Variants in PHACTR3 observed in about 807,000 individuals in gnomAD.
PHACTR3 encodes the protein protein phosphatase 1, regulatory subunit 123.
In PHACTR3, 16 loss-of-function variants were observed where a neutral mutation model predicts 66.8. The observed-to-expected ratio is 0.24, with a 90% CI of 0.16 to 0.36. PHACTR3 has a LOEUF of 0.36. PHACTR3 is among the 10% of genes least tolerant of loss of function. The pLI, the probability that PHACTR3 is intolerant of heterozygous loss-of-function variation, is 1.00. For synonymous variants in PHACTR3, 323 were observed against 292.1 expected (o/e 1.11, Z -1.08); for missense variants, 647 against 719.9 (o/e 0.90, Z 1.16).
chr20:59,684,452 T>C (rs946189884), intron 1 of PHACTR3, among the ~76,000 whole-genome samples: 2 of 152,154 alleles, frequency 1.3e-5, no homozygotes, highest in Admixed American at 6.5e-5. Context: ...CAGAACCTTC[T>C]CTTTGTGGCT....
chr20:59,692,205 G>A (rs950512030), intron 1 of PHACTR3, among the ~76,000 whole-genome samples: 1 of 152,208 alleles, frequency 6.6e-6, no homozygotes, highest in Non-Finnish European at 1.5e-5. Context: ...TGATAAGGAA[G>A]TGAGTGGTGT....
intron 1 of PHACTR3, among the ~76,000 whole-genome samples, chr20:59,627,319 C>T (rs1286089471): frequency 6.6e-6 from 1 of 152,214 alleles, no homozygotes; most frequent in African/African-American, 2.4e-5. Flanking sequence ...AAATAAGCTA[C>T]CTTCACCTAA....
intron 1 of PHACTR3, among the ~76,000 whole-genome samples, chr20:59,739,997 G>A (rs2039092348): frequency 6.6e-6 from 1 of 152,088 alleles, no homozygotes; most frequent in African/African-American, 2.4e-5. Flanking sequence ...TCTGTAAAAT[G>A]GATATAAAAT....
intron 8 of PHACTR3, 147 bp from the exon 9 acceptor site, chr20:59,836,358 C>A (rs1240389834): frequency 9.4e-6 from 6 of 639,638 alleles, no homozygotes; most frequent in East Asian, 3.2e-5. Context: ...CAGCAAGAGG[C>A]AACAACCAAA....
intron 8 of PHACTR3, among the ~76,000 whole-genome samples, chr20:59,822,801 G>A (rs1398502951): frequency 1.3e-5 from 2 of 152,232 alleles, no homozygotes. Flanking sequence ...GGGGATGGGA[G>A]TCACAGGATG....
At position 59,592,810 on chromosome 20, in the gene PHACTR3, A is replaced by C. The variant is rs56027254; in HGVS notation, c.109+15193A>C. Among the ~76,000 whole-genome samples, 859 of 151,556 alleles carry C rather than the reference A, an allele frequency of 5.7e-3. 8 individuals carry two copies. The highest frequency in any genetic ancestry group is 0.02 in the African/African-American group (807 of 41,270). On this transcript the variant is annotated intron_variant, in intron 1 of 12. Coordinates refer to the PHACTR3 transcript ENST00000359926. Reference sequence around the variant, plus strand: ...ATATGCATTTACATTTCCTCCATATAATTTCTTGGCTTTATAGTTCATTTT... The same window carrying C: ...ATATGCATTTACATTTCCTCCATATCATTTCTTGGCTTTATAGTTCATTTT...
chr20:59,674,022 G>A (rs914990076), intron 1 of PHACTR3, among the ~76,000 whole-genome samples: 2 of 152,112 alleles, frequency 1.3e-5, no homozygotes, highest in Non-Finnish European at 2.9e-5. Flanking sequence ...GCCTGCCCGA[G>A]GAGTCGAGCT....
intron 3 of PHACTR3, among the ~76,000 whole-genome samples, chr20:59,753,152 TAAAAA>T (rs60619458): frequency 6.9e-6 from 1 of 145,958 alleles, no homozygotes; most frequent in Admixed American, 6.8e-5. Context: ...TCATAAAAAT[TAAAAA>T]AAAAAAATCA....
At chr20:59,749,908 C>T (rs1415501834) in intron 3 of PHACTR3, among the ~76,000 whole-genome samples, 1 of 152,028 alleles carries the variant, frequency 6.6e-6, no homozygotes, top group Non-Finnish European at 1.5e-5. Context: ...GTGGTTTGCT[C>T]ATCTCTACCT....
intron 1 of PHACTR3, among the ~76,000 whole-genome samples, chr20:59,682,207 G>A (rs1291171973): frequency 6.6e-6 from 1 of 152,050 alleles, no homozygotes; most frequent in Non-Finnish European, 1.5e-5. Flanking sequence ...GGGTGTGGTG[G>A]CGTGCACCTG....
At chr20:59,696,822 G>A (rs995507383) in intron 1 of PHACTR3, among the ~76,000 whole-genome samples, 1 of 152,164 alleles carries the variant, frequency 6.6e-6, no homozygotes, top group Non-Finnish European at 1.5e-5. Context: ...AGACCTTGAA[G>A]GCTGATGCAT....
chr20:59,722,827 TG>T (rs1278636958), intron 1 of PHACTR3, among the ~76,000 whole-genome samples: 2 of 150,200 alleles, frequency 1.3e-5, no homozygotes, highest in Non-Finnish European at 1.5e-5. Context: ...CTGCTCACGG[TG>T]GGGGCATGGG....
chr20:59,727,102 C>T (rs1251554147), intron 1 of PHACTR3, among the ~76,000 whole-genome samples: 1 of 152,114 alleles, frequency 6.6e-6, no homozygotes, highest in Non-Finnish European at 1.5e-5. Context: ...TCCTCCAAGC[C>T]CCTGATAACT....
At chr20:59,703,916 C>T (rs1247123064) in intron 1 of PHACTR3, among the ~76,000 whole-genome samples, 1 of 152,168 alleles carries the variant, frequency 6.6e-6, no homozygotes, top group Non-Finnish European at 1.5e-5. Flanking sequence ...AGCAATTTCT[C>T]ATTTTTAAAT....
At chr20:59,668,777 C>T (rs1320292486) in intron 1 of PHACTR3, among the ~76,000 whole-genome samples, 1 of 152,184 alleles carries the variant, frequency 6.6e-6, no homozygotes, top group African/African-American at 2.4e-5. Context: ...TCTCGGCTCA[C>T]TGCAACTCCG....
chr20:59,667,549 C>T (rs114562717), intron 1 of PHACTR3, among the ~76,000 whole-genome samples: 189 of 152,346 alleles, frequency 1.2e-3, no homozygotes, highest in African/African-American at 4.3e-3. Context: ...GGGACACCCT[C>T]GCCATGTAAA....
intron 1 of PHACTR3, among the ~76,000 whole-genome samples, chr20:59,614,042 C>T (rs1271674278): frequency 5.9e-5 from 9 of 152,130 alleles, no homozygotes; most frequent in Non-Finnish European, 5.9e-5. Context: ...AGAAAGCTAG[C>T]GAGGCTGAGT....
chr20:59,627,928 C>T (rs1040400248), intron 1 of PHACTR3, among the ~76,000 whole-genome samples: 4 of 152,110 alleles, frequency 2.6e-5, no homozygotes, highest in African/African-American at 9.7e-5. Context: ...GCTAATCGAT[C>T]ATCTACCATT....
At chr20:59,693,133 T>TG (rs1234918087) in intron 1 of PHACTR3, among the ~76,000 whole-genome samples, 1 of 152,104 alleles carries the variant, frequency 6.6e-6, no homozygotes, top group Non-Finnish European at 1.5e-5. Context: ...CACTCTGAAG[T>TG]GGGGGTCCTG....
Sources: gnomAD v4.1 joint callset for allele counts (sites outside exome capture counted in the v4.1 genomes callset) on GRCh38, gnomAD v4.1.1 for gene constraint, MANE v1.5 for transcripts, NCBI Gene and HGNC (gene_info 2026-07-23, HGNC 2026-07-21) for gene names.